NAV3: variants seen among roughly 807,000 people sequenced by gnomAD.
NAV3 encodes the protein neuron navigator 3.
A neutral mutation model predicts 244.7 loss-of-function variants in NAV3; 87 were observed. That is an observed-to-expected ratio of 0.36 (90% CI 0.30 to 0.42). The LOEUF (loss-of-function observed/expected upper bound fraction) is 0.42, where lower values mean the gene tolerates loss of function less well. Among genes scored for constraint, NAV3 ranks in the 20% least tolerant of loss-of-function variants. The pLI is 1.00. For missense variants in NAV3, 2,663 were observed against 2,893.3 expected (o/e 0.92, Z 1.83); for synonymous variants, 1,126 against 1,042.2 (o/e 1.08, Z -1.55).
intron 23 of NAV3, 48 bp downstream of exon 23, chr12:78,159,334 C>A: frequency 6.9e-7 from 1 of 1,456,460 alleles, no homozygotes; most frequent in Non-Finnish European, 9.6e-7. Context: ...CAGCAAATTG[C>A]ATAGGATTCT....
chr12:78,096,205 T>C (rs1463011187), intron 12 of NAV3, among the ~76,000 whole-genome samples: 1 of 152,192 alleles, frequency 6.6e-6, no homozygotes, highest in Non-Finnish European at 1.5e-5. Flanking sequence ...TGGCTTCCCC[T>C]ATAAATAAAA....
chr12:77,697,203 T>C (rs1000980624), intron 2 of NAV3, among the ~76,000 whole-genome samples: 1 of 152,086 alleles, frequency 6.6e-6, no homozygotes, highest in Non-Finnish European at 1.5e-5. Context: ...TGAGTCCATT[T>C]CTCTCCCAGC....
chr12:77,709,189 C>T (rs1339491927), intron 2 of NAV3, among the ~76,000 whole-genome samples: 1 of 152,040 alleles, frequency 6.6e-6, no homozygotes, highest in Non-Finnish European at 1.5e-5. Context: ...TAAACAGAAC[C>T]AAAGACAAAA....
In NAV3 at chr12:77,936,348, A is replaced by T. The variant is rs569310017; in HGVS notation, c.244-3971A>T. ...CAGTAATTCTTCTGAATTCCTTGAG[A>T]TAAAATTATTAGATGGGATGATATT... On this transcript the variant is annotated intron_variant, in intron 1 of 39. Transcript: ENST00000397909. Among the ~76,000 whole-genome samples, 3 of 152,282 alleles carry T rather than the reference A, an allele frequency of 2.0e-5. No homozygotes were observed. In the East Asian group the frequency reaches 5.8e-4, roughly 29 times the overall value.
At chr12:77,727,063 A>G (rs1392786065) in intron 2 of NAV3, among the ~76,000 whole-genome samples, 1 of 151,974 alleles carries the variant, frequency 6.6e-6, no homozygotes, top group African/African-American at 2.4e-5. Flanking sequence ...AGAAGGAGAC[A>G]TGAGGAGGTG....
intron 1 of NAV3, among the ~76,000 whole-genome samples, chr12:77,936,275 A>T (rs116801455): frequency 0.012 from 1,815 of 152,310 alleles, 37 homozygotes; most frequent in African/African-American, 0.042. Flanking sequence ...ATGATTATGC[A>T]TGCAATTGTA....
chr12:77,671,075 A>C (rs1399200469), intron 2 of NAV3, among the ~76,000 whole-genome samples: 1 of 152,134 alleles, frequency 6.6e-6, no homozygotes, highest in Admixed American at 6.6e-5. Context: ...GAACCGGTAA[A>C]TGAATTCAGC....
At chr12:77,740,471 T>C (rs930372911) in intron 2 of NAV3, among the ~76,000 whole-genome samples, 1 of 151,248 alleles carries the variant, frequency 6.6e-6, no homozygotes, top group Non-Finnish European at 1.5e-5. Context: ...AAATGTGTGG[T>C]GTTTGTGGGG....
rs150973466 is a variant in NAV3, at chr12:78,160,584, T to C, written c.4869+1298T>C. Reference sequence around the variant, plus strand: ...TTTTGTCTTTAGATTCTGTAAGTTATGTGATTAGCTTTACAAAAGTAGTAT... The same window carrying C: ...TTTTGTCTTTAGATTCTGTAAGTTACGTGATTAGCTTTACAAAAGTAGTAT... On this transcript the variant is annotated intron_variant, in intron 23 of 39. Coordinates refer to ENST00000397909, the MANE Select transcript of NAV3 (RefSeq NM_001024383.2). 1.5e-3 allele frequency among the ~76,000 whole-genome samples: 226 copies of C among 152,272 alleles called. 3 individuals are homozygous for C. Among genetic ancestry groups the C allele is most frequent in the African/African-American group, 4.9e-3 (204 of 41,572 alleles).
At chr12:77,788,485 T>TAAAAGGCTAA (rs1240393388) in intron 2 of NAV3, among the ~76,000 whole-genome samples, 3 of 152,142 alleles carry the variant, frequency 2.0e-5, no homozygotes, top group Non-Finnish European at 4.4e-5. Flanking sequence ...GCCTCATCCA[T>TAAAAGGCTAA]AAAAGGCTAA....
chr12:77,841,273 G>A (rs533469097), intron 1 of NAV3, among the ~76,000 whole-genome samples: 1 of 152,246 alleles, frequency 6.6e-6, no homozygotes, highest in South Asian at 2.1e-4. Flanking sequence ...TAAACGAAAA[G>A]CAAAAACAAA....
In NAV3 at chr12:78,061,512, C is replaced by T. The variant is rs146014473; in HGVS notation, c.2636+2397C>T. ...GAATAATTTTAACTTGAGCTGCTTG[C>T]ATAAATTAAATTGCAAAAAGGTCAT... On this transcript the variant is annotated intron_variant, in intron 12 of 39. Transcript: ENST00000397909. Among the ~76,000 whole-genome samples, 108 of 152,090 alleles carry T rather than the reference C, an allele frequency of 7.1e-4. 4 individuals carry two copies. In the East Asian group the frequency reaches 0.017, roughly 24 times the overall value.
chr12:78,008,909 C>G (rs1427548307), intron 8 of NAV3, among the ~76,000 whole-genome samples: 2 of 151,990 alleles, frequency 1.3e-5, no homozygotes, highest in Non-Finnish European at 2.9e-5. Context: ...ATCCACATTT[C>G]AAAAACGTGA....
intron 2 of NAV3, among the ~76,000 whole-genome samples, chr12:77,710,706 T>C (rs1321900634): frequency 6.6e-6 from 1 of 152,204 alleles, no homozygotes; most frequent in Non-Finnish European, 1.5e-5. Flanking sequence ...AGAAATGGAC[T>C]TGAGTACTTT....
intron 2 of NAV3, among the ~76,000 whole-genome samples, chr12:77,669,755 G>A (rs1235237565): frequency 6.6e-6 from 1 of 151,820 alleles, no homozygotes; most frequent in Non-Finnish European, 1.5e-5. Context: ...TAATAGTAGG[G>A]GACTTTAATA....
intron 1 of NAV3, among the ~76,000 whole-genome samples, chr12:77,888,105 A>T (rs1773769961): frequency 6.6e-6 from 1 of 151,374 alleles, no homozygotes. Context: ...AAATATGATG[A>T]TTTTAACCAT....
chr12:78,052,329 T>C (rs1243539634), intron 11 of NAV3: 1 of 152,168 alleles, frequency 6.6e-6, no homozygotes, highest in East Asian at 1.9e-4. Context: ...TTCTAAAAAT[T>C]TAGAATTATA....
intron 9 of NAV3, among the ~76,000 whole-genome samples, chr12:78,030,881 C>T (rs908742856): frequency 1.3e-5 from 2 of 152,234 alleles, no homozygotes; most frequent in South Asian, 2.1e-4. Context: ...GAAACAAATT[C>T]TTCTTAACTT....
intron 9 of NAV3, among the ~76,000 whole-genome samples, chr12:78,027,633 A>G (rs923293809): frequency 6.6e-6 from 1 of 152,186 alleles, no homozygotes; most frequent in African/African-American, 2.4e-5. Flanking sequence ...CAGGTGCACA[A>G]CACAGTTTAT....
Sources: gnomAD v4.1 joint callset for allele counts (sites outside exome capture counted in the v4.1 genomes callset) on GRCh38, gnomAD v4.1.1 for gene constraint, MANE v1.5 for transcripts, NCBI Gene and HGNC (gene_info 2026-07-23, HGNC 2026-07-21) for gene names.